The following HDLBP variants were observed in gnomAD, a reference collection of about 807,000 sequenced individuals.
The protein encoded by HDLBP is vigilin.
In HDLBP, 30 loss-of-function variants were observed where a neutral mutation model predicts 137.3. That is an observed-to-expected ratio of 0.22 (90% CI 0.16 to 0.30). The LOEUF is 0.30. Among genes scored for constraint, HDLBP ranks in the 10% least tolerant of loss-of-function variants. The probability of loss-of-function intolerance (pLI) is 1.00; values close to 1 mark genes in which losing one functional copy is unlikely to be tolerated. For synonymous variants in HDLBP, 606 were observed against 596.0 expected (o/e 1.02, Z -0.24); for missense variants, 1,119 against 1,667.3 (o/e 0.67, Z 5.73).
At chr2:241,241,333 C>T (rs1335901648) in intron 17 of HDLBP, among the ~76,000 whole-genome samples, 4 of 151,906 alleles carry the variant, frequency 2.6e-5, no homozygotes, top group African/African-American at 4.8e-5. Flanking sequence ...TTTGGGAGGC[C>T]GAGGCGGGCG....
chr2:241,246,545 T>C (rs1466303512), intron 16 of HDLBP: 2 of 518,774 alleles, frequency 3.9e-6, no homozygotes, highest in Non-Finnish European at 6.8e-6. Context: ...CAAATGTTAC[T>C]GCTGCAGGGT....
intron 16 of HDLBP, among the ~76,000 whole-genome samples, chr2:241,245,992 T>C (rs911758803): frequency 4.7e-5 from 7 of 150,402 alleles, no homozygotes; most frequent in Non-Finnish European, 8.9e-5. Context: ...TTTGACACCT[T>C]GGAGAAAATA....
At chr2:241,236,476 C>T (rs1182764925) in intron 21 of HDLBP, 139 bp downstream of exon 21, 6 of 832,678 alleles carry the variant, frequency 7.2e-6, no homozygotes, top group South Asian at 6.4e-5. Context: ...AGCCCGTGCG[C>T]ACACGGTAGG....
chr2:241,269,644 C>G (rs1189370605), intron 1 of HDLBP: 1 of 152,208 alleles, frequency 6.6e-6, no homozygotes, highest in Non-Finnish European at 1.5e-5. Flanking sequence ...AAAGCTGGGA[C>G]AAACTGATCA....
At chr2:241,229,738 A>G in intron 27 of HDLBP, 51 bp from the exon 28 acceptor site, 1 of 1,611,662 alleles carries the variant, frequency 6.2e-7, no homozygotes, top group Non-Finnish European at 8.5e-7. Flanking sequence ...CCAACTCGCA[A>G]GCAGCTTCCG....
chr2:241,266,744 G>T (rs146729115), intron 3 of HDLBP, 50 bp downstream of exon 3: 1 of 1,176,886 alleles, frequency 8.5e-7, no homozygotes, highest in East Asian at 2.3e-5. Flanking sequence ...GGCTTTAGAG[G>T]GAGCAATGCC....
intron 1 of HDLBP, among the ~76,000 whole-genome samples, chr2:241,283,323 G>C (rs144191591): frequency 6.6e-6 from 1 of 152,366 alleles, no homozygotes; most frequent in East Asian, 1.9e-4. Flanking sequence ...CGGTGAAGCA[G>C]CAAGTGCTGA....
At chr2:241,246,975 C>G in intron 15 of HDLBP, 81 bp downstream of exon 15, 2 of 1,574,642 alleles carry the variant, frequency 1.3e-6, no homozygotes, top group Non-Finnish European at 8.7e-7. Flanking sequence ...AGGAAGAGTC[C>G]CTCCTAGTCT....
chr2:241,274,041 G>C (rs1173056998), intron 1 of HDLBP, among the ~76,000 whole-genome samples: 2 of 152,144 alleles, frequency 1.3e-5, no homozygotes, highest in African/African-American at 4.8e-5. Flanking sequence ...CCAGAAGAGG[G>C]GTGTAAAAGA....
chr2:241,286,405 G>A (rs907153822), intron 1 of HDLBP, among the ~76,000 whole-genome samples: 2 of 152,188 alleles, frequency 1.3e-5, no homozygotes, highest in Non-Finnish European at 1.5e-5. Flanking sequence ...AGATAAATGC[G>A]TATCTGACTG....
chr2:241,277,449 C>T (rs1032679166), intron 1 of HDLBP, among the ~76,000 whole-genome samples: 1 of 152,024 alleles, frequency 6.6e-6, no homozygotes, highest in Non-Finnish European at 1.5e-5. Context: ...GAAAAAAGGA[C>T]AGTATAAGTA....
At position 241,272,223 on chromosome 2, in the gene HDLBP, G is replaced by A. The variant is rs1426939705; in HGVS notation, c.-102-3682C>T. 5 of 980,252 alleles carry A rather than the reference G, an allele frequency of 5.1e-6. No individual in the cohort carries two copies. The highest frequency in any genetic ancestry group is 6.1e-6 in the Non-Finnish European group (5 of 825,414). 60.7% of individuals were successfully genotyped at this position (980,252 alleles called of 1,614,324 possible). A position where few individuals can be genotyped will look rare whatever the true frequency, so the allele number is the denominator to read the frequency against. ...GGTGCTGCGGGGGCCCCGCCGCCCG[G>A]TCTGCGCCCAGACCCCCGCCCCGCC... On this transcript the variant is annotated intron_variant, in intron 1 of 27. Transcript: ENST00000310931. The surrounding 1 kb of genome is among the most constrained non-coding windows in gnomAD (Gnocchi z 5.6).
Position 241,250,008 on chromosome 2 carries a change from A to G in HDLBP, c.1373-28T>C, listed in dbSNP as rs528852673. The G allele has an allele frequency of 9.2e-5, 146 of 1,584,088 alleles. 1 individual carries two copies. In the South Asian group the frequency reaches 1.5e-3, roughly 17 times the overall value. On this transcript the variant is annotated intron_variant, in intron 11 of 27. Coordinates refer to ENST00000310931, the MANE Select transcript of HDLBP (RefSeq NM_005336.6). The stretch of plus-strand genomic sequence containing the variant: ...TAGGAACACAAAAGGAAACACATTT[A>G]GGACACAGACCAACAACATTCTGCC...
At chr2:241,267,693 T>A in intron 2 of HDLBP, 1 of 1,535,242 alleles carries the variant, frequency 6.5e-7, no homozygotes, top group East Asian at 2.4e-5. Flanking sequence ...CTTAACCAGG[T>A]GGTTATAAGT....
At position 241,233,009 on chromosome 2, in the gene HDLBP, G is replaced by T. The variant is rs1442285171; in HGVS notation, c.3288+811C>A. ...AGAAGGGGAAGGGGAAGGGGAAGCA[G>T]CGGAAAACCCTGGGCGGCACATCCA... is the stretch of plus-strand genomic sequence containing the variant. On this transcript the variant is annotated intron_variant, in intron 24 of 27. Coordinates refer to ENST00000310931, the MANE Select transcript of HDLBP (RefSeq NM_005336.6). The surrounding 1 kb of genome is among the most constrained non-coding windows in gnomAD (Gnocchi z 4.3). 6.6e-6 allele frequency among the ~76,000 whole-genome samples: 1 copy of T among 151,894 alleles called. No homozygotes were observed. Among genetic ancestry groups the T allele is most frequent in the Admixed American group, 6.6e-5 (1 of 15,250 alleles).
At chr2:241,264,223 G>A (rs1055872502) in intron 4 of HDLBP, among the ~76,000 whole-genome samples, 3 of 151,598 alleles carry the variant, frequency 2.0e-5, no homozygotes, top group Admixed American at 6.6e-5. Flanking sequence ...TTAGCCGGGC[G>A]TGGTGGCGGG....
Position 241,229,371 on chromosome 2 carries a change from C to CA in HDLBP, c.*229dup. ...AGTCTGTTATCTTAGCACGAATGCT[C>CA]ATGACCTTGGTTTAGTGTTAAACAG... On this transcript the variant is annotated 3_prime_UTR_variant, in exon 28 of 28. Coordinates refer to ENST00000310931, the MANE Select transcript of HDLBP (RefSeq NM_005336.6). The CA allele has an allele frequency of 8.5e-6, 4 of 473,082 alleles. No individual in the cohort carries two copies. The highest frequency in any genetic ancestry group is 1.6e-5 in the Non-Finnish European group (4 of 257,218). The allele number at this position is 473,082 out of a possible 1,614,324, so 29.3% of individuals were successfully genotyped here.
In HDLBP at chr2:241,281,315, T is replaced by C. The variant is rs1005584729; in HGVS notation, c.-102-12774A>G. Among the ~76,000 whole-genome samples, 3 of 150,476 alleles carry C rather than the reference T, an allele frequency of 2.0e-5. No homozygotes were observed. In the East Asian group the frequency reaches 5.9e-4, roughly 29 times the overall value. On this transcript the variant is annotated intron_variant, in intron 1 of 27. Coordinates refer to ENST00000310931, the MANE Select transcript of HDLBP (RefSeq NM_005336.6). ...GTTGCAGTGAGCCGAGATCGCGCCA[T>C]TGCACTCCAGCCTGTGCAACAGGAG...
Position 241,247,124 on chromosome 2 carries a change from T to C in HDLBP, c.1750A>G (p.Ile584Val), listed in dbSNP as rs937344069. 5.0e-6 allele frequency: 8 copies of C among 1,611,434 alleles called. No homozygotes were observed. In the African/African-American group the frequency reaches 6.7e-5, roughly 13 times the overall value. ...AACTGTTTGAAGATCGGAACAGAAA[T>C]TGAATAGCTATTTTCCACCTTAAAG... ...VADLVENSYS[I>V]SVPIFKQFHK... The change falls in exon 15 of 28, where the codon ATT becomes GTT. Residue 584 changes from isoleucine to valine, a missense_variant. Around this residue, in one of 4 missense-constraint regions of HDLBP, gnomAD observed 425 missense variants for 693.9 expected, o/e 0.61. Coordinates refer to ENST00000310931, the MANE Select transcript of HDLBP (RefSeq NM_005336.6).
Sources: gnomAD v4.1 joint callset for allele counts (sites outside exome capture counted in the v4.1 genomes callset) on GRCh38, gnomAD v4.1.1 for gene constraint, gnomAD v4.1.1 regional missense constraint, Gnocchi (gnomAD v3.1) non-coding constraint, MANE v1.5 for transcripts, NCBI Gene and HGNC (gene_info 2026-07-23, HGNC 2026-07-21) for gene names.